Variants in RANBP10 observed in about 807,000 individuals in gnomAD.
RANBP10 encodes RAN binding protein 10.
Under a neutral mutation model 72.8 loss-of-function variants are expected in RANBP10, and 24 were observed. That is an observed-to-expected ratio of 0.33 (90% confidence interval 0.24 to 0.46). The LOEUF (loss-of-function observed/expected upper bound fraction) is 0.46. RANBP10 is among the 20% of genes least tolerant of loss of function. The probability of loss-of-function intolerance (pLI) is 1.00; values close to 1 mark genes in which losing one functional copy is unlikely to be tolerated. For synonymous variants in RANBP10, 310 were observed against 322.3 expected (o/e 0.96, Z 0.41); for missense variants, 679 against 817.5 (o/e 0.83, Z 2.07).
rs2053591592 is a variant in RANBP10, at chr16:67,726,019, T to G, written c.*409A>C. The G allele has an allele frequency of 1.2e-5, 2 of 162,106 alleles. 1 individual carries two copies. The highest frequency in any genetic ancestry group is 2.9e-4 in the South Asian group (2 of 6,794). The allele number at this position is 162,106 out of a possible 1,614,324, so 10.0% of individuals were successfully genotyped here. On this transcript the variant is annotated 3_prime_UTR_variant, in exon 14 of 14. Transcript: ENST00000317506. ...ATTTGTTTTTTACTTATGAAAATAA[T>G]AAGCTATCACCAACTTGGATAGGCT...
intron 2 of RANBP10, among the ~76,000 whole-genome samples, chr16:67,792,849 T>C (rs903601398): frequency 6.6e-6 from 1 of 150,460 alleles, no homozygotes; most frequent in South Asian, 2.1e-4. Context: ...TATGGAGAAA[T>C]GTGGTTCTGT....
intron 5 of RANBP10, among the ~76,000 whole-genome samples, chr16:67,736,041 C>T (rs1463850169): frequency 1.3e-5 from 2 of 152,094 alleles, no homozygotes; most frequent in Non-Finnish European, 2.9e-5. Context: ...CCTGTGGCTC[C>T]CCACTGCAAC....
intron 5 of RANBP10, among the ~76,000 whole-genome samples, chr16:67,737,221 G>A (rs1281133649): frequency 3.8e-5 from 3 of 79,748 alleles, no homozygotes; most frequent in South Asian, 9.0e-4. Context: ...TTTTTTTTGA[G>A]ACGGAGGCTC....
At chr16:67,793,667 A>G (rs1002423669) in intron 2 of RANBP10, among the ~76,000 whole-genome samples, 1 of 152,078 alleles carries the variant, frequency 6.6e-6, no homozygotes, top group Non-Finnish European at 1.5e-5. Flanking sequence ...TTATTTAAGT[A>G]GCCTAGTCCA....
In RANBP10 at chr16:67,782,340, T is replaced by A. The variant is rs192694728; in HGVS notation, c.348-10254A>T. Among the ~76,000 whole-genome samples, 60 of 152,228 alleles carry A rather than the reference T, an allele frequency of 3.9e-4. 1 individual carries two copies. In the East Asian group the frequency reaches 0.01, roughly 26 times the overall value. On this transcript the variant is annotated intron_variant, in intron 2 of 13. Coordinates refer to ENST00000317506, the MANE Select transcript of RANBP10 (RefSeq NM_020850.3). The stretch of plus-strand genomic sequence containing the variant: ...TGGGGATTTGCCCTGTTGCCTAGGC[T>A]AGTCTTGAACCCCTGAGCTCAAGCG...
chr16:67,747,880 G>A (rs993484342), intron 3 of RANBP10, among the ~76,000 whole-genome samples: 4 of 143,850 alleles, frequency 2.8e-5, no homozygotes, highest in Non-Finnish European at 1.5e-5. Context: ...GAGTGCAGTT[G>A]CATGATCTCG....
At chr16:67,747,817 C>CTTTT (rs1160482023) in intron 3 of RANBP10, among the ~76,000 whole-genome samples, 5 of 121,312 alleles carry the variant, frequency 4.1e-5, no homozygotes, top group Non-Finnish European at 7.1e-5. Context: ...ATTTTCTTTT[C>CTTTT]TTTTTTTTTT....
At chr16:67,774,781 A>C (rs2054669915) in intron 2 of RANBP10, among the ~76,000 whole-genome samples, 1 of 152,188 alleles carries the variant, frequency 6.6e-6, no homozygotes, top group Non-Finnish European at 1.5e-5. Flanking sequence ...CTTTTCCAAA[A>C]GCATGGTGTT....
intron 3 of RANBP10, among the ~76,000 whole-genome samples, chr16:67,763,798 G>A (rs753884894): frequency 2.0e-5 from 3 of 152,140 alleles, no homozygotes; most frequent in Non-Finnish European, 2.9e-5. Flanking sequence ...GGGTTCAAGC[G>A]ATTCTCCTGC....
In RANBP10 at chr16:67,744,409, CGA is replaced by C; in HGVS notation, c.445_446del (p.Ser149ValfsTer76). ...SYGYHGDDGH[S>X]FCSSGTGQPY... ...GCTGGCCAGTCCCCGAGGAGCAGAACGAATGCCCATCATCACCATGGTAACCA... is the reference window on the plus strand; with the variant it reads ...GCTGGCCAGTCCCCGAGGAGCAGAACATGCCCATCATCACCATGGTAACCA... On this transcript the variant is annotated frameshift_variant, in exon 4 of 14. Coordinates refer to ENST00000317506, the MANE Select transcript of RANBP10 (RefSeq NM_020850.3). LOFTEE classifies it high-confidence loss of function. 6.2e-7 allele frequency: 1 copy of C among 1,614,194 alleles called. No individual in the cohort carries two copies. The highest frequency in any genetic ancestry group is 8.5e-7 in the Non-Finnish European group (1 of 1,180,024).
intron 12 of RANBP10, 95 bp from the exon 13 acceptor site, chr16:67,727,533 C>T: frequency 1.5e-6 from 2 of 1,356,154 alleles, no homozygotes; most frequent in South Asian, 1.2e-5. Flanking sequence ...CTGCATGATG[C>T]CCAGCCTGGA....
At chr16:67,745,428 A>C (rs1382284334) in intron 3 of RANBP10, among the ~76,000 whole-genome samples, 1 of 151,744 alleles carries the variant, frequency 6.6e-6, no homozygotes, top group Non-Finnish European at 1.5e-5. Context: ...TCTGCCTCCC[A>C]GGTTCAAGTG....
intron 3 of RANBP10, among the ~76,000 whole-genome samples, chr16:67,771,032 G>A (rs1238317239): frequency 1.3e-5 from 2 of 152,184 alleles, no homozygotes; most frequent in African/African-American, 4.8e-5. Flanking sequence ...GGAGGCCAAG[G>A]CAGGCTGATG....
At chr16:67,798,284 T>G (rs1259600811) in intron 2 of RANBP10, among the ~76,000 whole-genome samples, 1 of 152,098 alleles carries the variant, frequency 6.6e-6, no homozygotes, top group Non-Finnish European at 1.5e-5. Flanking sequence ...GACAACGCCT[T>G]CCCCAGATGA....
intron 2 of RANBP10, among the ~76,000 whole-genome samples, chr16:67,786,661 C>T (rs192904050): frequency 3.7e-4 from 57 of 152,332 alleles, no homozygotes; most frequent in African/African-American, 1.1e-3. Flanking sequence ...AGTGCAGTGG[C>T]TCACGCCTGA....
chr16:67,733,719 T>G (rs2053781416), intron 6 of RANBP10, among the ~76,000 whole-genome samples: 1 of 152,218 alleles, frequency 6.6e-6, no homozygotes, highest in South Asian at 2.1e-4. Flanking sequence ...ATGCCTGTGA[T>G]GCCAGCTACT....
intron 3 of RANBP10, among the ~76,000 whole-genome samples, chr16:67,762,921 G>A (rs2054426809): frequency 6.6e-6 from 1 of 152,238 alleles, no homozygotes; most frequent in African/African-American, 2.4e-5. Context: ...ACCAGGCAGG[G>A]TGGCAAGTGT....
Position 67,729,618 on chromosome 16 carries a change from A to T in RANBP10, c.1147+62T>A. ...CCCTGAGCCCAGCCCAGGAAAGGGT[A>T]TGTGGAGTGGCCTCTCTCCTCCACA... On this transcript the variant is annotated intron_variant, in intron 9 of 13. Transcript: ENST00000317506. This position sits in a 1 kb window ranked among gnomAD's most constrained non-coding sequence, Gnocchi z 7.1. 1 of 1,565,260 alleles carries T rather than the reference A, an allele frequency of 6.4e-7. No individual in the cohort carries two copies. The highest frequency in any genetic ancestry group is 8.7e-7 in the Non-Finnish European group (1 of 1,155,158).
Position 67,744,378 on chromosome 16 carries a change from C to T in RANBP10, c.478G>A (p.Gly160Ser). 6.2e-7 allele frequency: 1 copy of T among 1,614,212 alleles called. No homozygotes were observed. The highest frequency in any genetic ancestry group is 8.5e-7 in the Non-Finnish European group (1 of 1,180,046). ...FCSSGTGQPY[G>S]PTFTTGDVIG... is the part of the protein sequence containing the mutation. ...ACGTCTCCTGTGGTGAATGTGGGAC[C>T]ATAGGGCTGGCCAGTCCCCGAGGAG... Residue 160 changes from glycine to serine, a missense_variant, in exon 4 of 14, where the codon GGT becomes AGT. By Grantham distance (56) the Gly-to-Ser change is moderately conservative. Coordinates refer to ENST00000317506, the MANE Select transcript of RANBP10 (RefSeq NM_020850.3).
Sources: gnomAD v4.1 joint callset for allele counts (sites outside exome capture counted in the v4.1 genomes callset) on GRCh38, gnomAD v4.1.1 for gene constraint, Gnocchi (gnomAD v3.1) non-coding constraint, MANE v1.5 for transcripts, NCBI Gene and HGNC (gene_info 2026-07-23, HGNC 2026-07-21) for gene names.